Variants in CAMKMT observed in about 807,000 individuals in gnomAD.
The protein encoded by CAMKMT is calmodulin-lysine N-methyltransferase.
Under a neutral mutation model 48.0 loss-of-function variants are expected in CAMKMT, and 53 were observed. The ratio of observed to expected loss-of-function variants is 1.10; its 90% CI spans 0.89 to 1.39. CAMKMT has a LOEUF of 1.39. Ranked by LOEUF, CAMKMT falls within the 40% of genes most tolerant of loss-of-function variation. The pLI is 0.00. For synonymous variants in CAMKMT, 165 were observed against 152.3 expected (o/e 1.08, Z -0.61); for missense variants, 428 against 402.7 (o/e 1.06, Z -0.54).
intron 3 of CAMKMT, among the ~76,000 whole-genome samples, chr2:44,578,851 A>T (rs1022163782): frequency 6.6e-6 from 1 of 152,242 alleles, no homozygotes; most frequent in Non-Finnish European, 1.5e-5. Context: ...AGTAAATAGT[A>T]GTATTGTGAC....
intron 3 of CAMKMT, among the ~76,000 whole-genome samples, chr2:44,624,054 T>A (rs1229443344): frequency 6.6e-6 from 1 of 152,146 alleles, no homozygotes; most frequent in East Asian, 1.9e-4. Flanking sequence ...TCCACCCAAC[T>A]GTTGATAAAA....
intron 3 of CAMKMT, among the ~76,000 whole-genome samples, chr2:44,408,025 CTTT>C (rs58443811): frequency 2.2e-4 from 23 of 105,232 alleles, no homozygotes; most frequent in Admixed American, 3.9e-4. Flanking sequence ...TAGAGCATGT[CTTT>C]TTTTTTTTTT....
chr2:44,733,151 A>G (rs1455536773), intron 7 of CAMKMT, among the ~76,000 whole-genome samples: 12 of 152,220 alleles, frequency 7.9e-5, no homozygotes, highest in East Asian at 5.8e-4. Flanking sequence ...TGGAGACTCA[A>G]TTGTTAAAAC....
intron 3 of CAMKMT, among the ~76,000 whole-genome samples, chr2:44,432,110 C>T (rs1684686392): frequency 6.6e-6 from 1 of 152,116 alleles, no homozygotes; most frequent in South Asian, 2.1e-4. Flanking sequence ...ATAACTCTTG[C>T]CCCACATACA....
intron 3 of CAMKMT, among the ~76,000 whole-genome samples, chr2:44,612,744 A>G (rs1186562450): frequency 6.6e-6 from 1 of 152,228 alleles, no homozygotes; most frequent in African/African-American, 2.4e-5. Flanking sequence ...ATTAAGTAAC[A>G]TGTTTATTAA....
chr2:44,448,724 C>T (rs1667135349), intron 3 of CAMKMT, among the ~76,000 whole-genome samples: 1 of 152,102 alleles, frequency 6.6e-6, no homozygotes. Flanking sequence ...ATGTTATAAA[C>T]TGTTATTCTG....
At position 44,424,198 on chromosome 2, in the gene CAMKMT, G is replaced by A. The variant is rs971721315; in HGVS notation, c.376+33893G>A. 2.6e-5 allele frequency among the ~76,000 whole-genome samples: 4 copies of A among 151,676 alleles called. 1 individual carries two copies. The highest frequency in any genetic ancestry group is 4.2e-4 in the South Asian group (2 of 4,812). ...ATATATTATCTAATGTTTCTGTACC[G>A]TATGTATTTCTTAATTTTTTTCAAG... On this transcript the variant is annotated intron_variant, in intron 3 of 10. Coordinates refer to ENST00000378494, the MANE Select transcript of CAMKMT (RefSeq NM_024766.5).
chr2:44,461,129 G>T (rs1667828274), intron 3 of CAMKMT, among the ~76,000 whole-genome samples: 1 of 152,050 alleles, frequency 6.6e-6, no homozygotes, highest in African/African-American at 2.4e-5. Flanking sequence ...TTCAATCACA[G>T]GTTTCCAGAC....
At chr2:44,469,306 T>C (rs1484053930) in intron 3 of CAMKMT, among the ~76,000 whole-genome samples, 5 of 152,148 alleles carry the variant, frequency 3.3e-5, no homozygotes, top group African/African-American at 7.2e-5. Context: ...TATTTTTTCA[T>C]TGAGTGTCTT....
chr2:44,499,422 A>G (rs1271794357), intron 3 of CAMKMT, among the ~76,000 whole-genome samples: 1 of 152,236 alleles, frequency 6.6e-6, no homozygotes, highest in Non-Finnish European at 1.5e-5. Flanking sequence ...GAATATAGTC[A>G]GGCTCAAGTT....
At chr2:44,533,025 G>A (rs1666575469) in intron 3 of CAMKMT, among the ~76,000 whole-genome samples, 1 of 151,838 alleles carries the variant, frequency 6.6e-6, no homozygotes, top group South Asian at 2.1e-4. Flanking sequence ...TGTTGGCCAG[G>A]CTGGCCTCGA....
intron 9 of CAMKMT, among the ~76,000 whole-genome samples, chr2:44,758,009 C>T (rs896693548): frequency 1.3e-5 from 2 of 152,216 alleles, no homozygotes; most frequent in African/African-American, 4.8e-5. Context: ...ATCCTGAACA[C>T]CTGTAGCAGG....
chr2:44,712,109 A>G (rs1428144539), intron 6 of CAMKMT, among the ~76,000 whole-genome samples: 2 of 152,184 alleles, frequency 1.3e-5, no homozygotes, highest in Admixed American at 1.3e-4. Context: ...ATGAGTAATA[A>G]GCACATTTAA....
At chr2:44,476,791 G>C (rs1167535704) in intron 3 of CAMKMT, among the ~76,000 whole-genome samples, 6 of 152,150 alleles carry the variant, frequency 3.9e-5, no homozygotes, top group African/African-American at 1.4e-4. Flanking sequence ...TCTTAGGCAA[G>C]CCATGTAATT....
intron 3 of CAMKMT, among the ~76,000 whole-genome samples, chr2:44,613,678 A>G (rs1671717629): frequency 6.6e-6 from 1 of 152,190 alleles, no homozygotes; most frequent in Non-Finnish European, 1.5e-5. Flanking sequence ...TGTTCTAAGT[A>G]CTTCTCATAT....
intron 3 of CAMKMT, among the ~76,000 whole-genome samples, chr2:44,449,430 C>A (rs1667175907): frequency 6.6e-6 from 1 of 152,122 alleles, no homozygotes; most frequent in African/African-American, 2.4e-5. Context: ...TATAACCCAC[C>A]ACTAATTTTC....
In CAMKMT at chr2:44,611,985, C is replaced by T. The variant is rs147352874; in HGVS notation, c.377-92298C>T. Among the ~76,000 whole-genome samples, 531 of 152,246 alleles carry T rather than the reference C, an allele frequency of 3.5e-3. 1 individual carries two copies. The highest frequency in any genetic ancestry group is 6.9e-3 in the Admixed American group (106 of 15,290). On this transcript the variant is annotated intron_variant, in intron 3 of 10. Transcript: ENST00000378494. ...CATGATTCAAACACCTCCCACCAGG[C>T]CCCACCTCCAGTATTGTGGATCTCA...
chr2:44,654,949 C>T (rs1674294955), intron 3 of CAMKMT, among the ~76,000 whole-genome samples: 1 of 152,108 alleles, frequency 6.6e-6, no homozygotes, highest in Non-Finnish European at 1.5e-5. Context: ...CTAACTAACC[C>T]CTTGCATTTG....
intron 3 of CAMKMT, among the ~76,000 whole-genome samples, chr2:44,694,271 T>A (rs1003170417): frequency 1.3e-5 from 2 of 152,230 alleles, no homozygotes; most frequent in African/African-American, 4.8e-5. Flanking sequence ...ACTATGAAAC[T>A]TGACATTTAA....
Sources: gnomAD v4.1 joint callset for allele counts (sites outside exome capture counted in the v4.1 genomes callset) on GRCh38, gnomAD v4.1.1 for gene constraint, MANE v1.5 for transcripts, NCBI Gene and HGNC (gene_info 2026-07-23, HGNC 2026-07-21) for gene names.